The following WNT5A variants were observed in gnomAD, a reference collection of about 807,000 sequenced individuals.
WNT5A encodes Wnt family member 5A.
In WNT5A, 9 loss-of-function variants were observed where a neutral mutation model predicts 42.1. The observed-to-expected ratio is 0.21, with a 90% CI of 0.13 to 0.37. WNT5A has a LOEUF of 0.37. WNT5A is among the 10% of genes least tolerant of loss of function. WNT5A has a pLI of 1.00. For missense variants in WNT5A, 426 were observed against 534.0 expected, an observed-to-expected ratio of 0.80 and a Z score of 1.99; for synonymous variants, 210 against 210.0, an observed-to-expected ratio of 1.00 and a Z score of 0.00.
chr3:55,496,496 A>C, the WNT5A span, among the ~76,000 whole-genome samples: 4 of 152,230 alleles, frequency 2.6e-5, no homozygotes, highest in Admixed American at 2.6e-4. Context: ...ATAATAGCAA[A>C]GGATTAAATT....
upstream of WNT5A, among the ~76,000 whole-genome samples, chr3:55,492,136 G>A (rs1361118967): frequency 6.6e-6 from 1 of 151,978 alleles, no homozygotes; most frequent in Non-Finnish European, 1.5e-5. Context: ...AGCACCATTT[G>A]TTGAATAGGG....
At chr3:55,484,187 C>T (rs1051448167) in intron 1 of WNT5A, among the ~76,000 whole-genome samples, 7 of 152,198 alleles carry the variant, frequency 4.6e-5, no homozygotes, top group African/African-American at 1.4e-4. Context: ...AATCTCCACT[C>T]TTGGTGGAAA....
At chr3:55,482,301 A>G (rs920802526) in intron 1 of WNT5A, among the ~76,000 whole-genome samples, 2 of 152,076 alleles carry the variant, frequency 1.3e-5, no homozygotes, top group Non-Finnish European at 2.9e-5. Context: ...TGACTTCTCC[A>G]CCTGTAGGCG....
intron 1 of WNT5A, among the ~76,000 whole-genome samples, chr3:55,481,927 G>C (rs945261191): frequency 3.9e-5 from 6 of 152,224 alleles, no homozygotes; most frequent in African/African-American, 1.4e-4. Flanking sequence ...CAGCTGCCAG[G>C]GAGGGAGGAG....
rs886058741 is a variant in WNT5A at position 55,468,640 on chromosome 3, T to TTA, written c.*1450_*1451dup. The TTA allele has an allele frequency of 2.7e-5, 4 of 149,360 alleles. No individual in the cohort carries two copies. The highest frequency in any genetic ancestry group is 4.2e-4 in the South Asian group (2 of 4,786). The allele number at this position is 149,360 out of a possible 1,614,324, so 9.3% of individuals were successfully genotyped here. On this transcript the variant is annotated 3_prime_UTR_variant, in exon 5 of 5. Coordinates refer to ENST00000264634, the MANE Select transcript of WNT5A (RefSeq NM_003392.7). ...CAATGAGATATATTTATATTTATAT[T>TTA]TATATATATGTATATATATATATAT...
At chr3:55,494,443 G>A (rs2051693359), upstream of WNT5A, among the ~76,000 whole-genome samples, 1 of 152,184 alleles carries the variant, frequency 6.6e-6, no homozygotes, top group African/African-American at 2.4e-5. Flanking sequence ...AGAAATATAA[G>A]AGCTCATTAG....
Position 55,483,083 on chromosome 3 carries a change from C to G in WNT5A, c.7-2165G>C, listed in dbSNP as rs1289855634. Among the ~76,000 whole-genome samples, 1 of 152,168 alleles carries G rather than the reference C, an allele frequency of 6.6e-6. No individual in the cohort carries two copies. Among genetic ancestry groups the G allele is most frequent in the African/African-American group, 2.4e-5 (1 of 41,450 alleles). ...TGATAACAGATTCGGCGGATTACAG[C>G]GGATCTCTTTGTTAGAGCCGAAGCC... On this transcript the variant is annotated intron_variant, in intron 1 of 4. Coordinates refer to ENST00000264634, the MANE Select transcript of WNT5A (RefSeq NM_003392.7). The surrounding 1 kb of genome is among the most constrained non-coding windows in gnomAD (Gnocchi z 4.2).
At chr3:55,481,602 T>C (rs2051466511) in intron 1 of WNT5A, among the ~76,000 whole-genome samples, 1 of 152,160 alleles carries the variant, frequency 6.6e-6, no homozygotes, top group Admixed American at 6.5e-5. Flanking sequence ...GGAAAGCCAC[T>C]TCCAGATGGG....
At chr3:55,484,810 T>G (rs2051544368) in intron 1 of WNT5A, among the ~76,000 whole-genome samples, 1 of 152,010 alleles carries the variant, frequency 6.6e-6, no homozygotes, top group African/African-American at 2.4e-5. Context: ...AGCAGAGTCC[T>G]TGGACAGAGG....
chr3:55,470,016 A>G lies in WNT5A; in HGVS notation c.*76T>C. 1 of 1,582,042 alleles carries G rather than the reference A, an allele frequency of 6.3e-7. No individual in the cohort carries two copies. The highest frequency in any genetic ancestry group is 2.2e-5 in the East Asian group (1 of 44,614). ...GGAAAAATAAAAAATATTTCTAAAA[A>G]CCAAAAACCAGAATCACTGTACTTT... On this transcript the variant is annotated 3_prime_UTR_variant, in exon 5 of 5. Transcript: ENST00000264634.
At chr3:55,471,952 T>C (rs538367481) in intron 4 of WNT5A, among the ~76,000 whole-genome samples, 3 of 152,092 alleles carry the variant, frequency 2.0e-5, no homozygotes, top group African/African-American at 7.2e-5. Context: ...GCATAAAGAG[T>C]TTCAGGCACT....
In WNT5A at chr3:55,479,560, G is replaced by A; in HGVS notation, c.145C>T (p.Leu49=). The change falls in exon 3 of 5, where the codon CTA becomes TTA. Residue 49 remains leucine, a synonymous_variant. Coordinates refer to ENST00000264634, the MANE Select transcript of WNT5A (RefSeq NM_003392.7). The part of the protein sequence containing the change: ...VVIEANSWWS[L]GMNNPVQMSE... The stretch of plus-strand genomic sequence containing the variant: ...ATCTGAACAGGGTTATTCATACCTA[G>A]CGACCTGCAAGGGGGGGAGATGTGC... 3 of 1,586,330 alleles carry A rather than the reference G, an allele frequency of 1.9e-6. No individual in the cohort carries two copies. Among genetic ancestry groups the A allele is most frequent in the Admixed American group, 1.7e-5 (1 of 57,740 alleles).
Position 55,473,187 on chromosome 3 carries a change from G to A in WNT5A, c.684+1150C>T, listed in dbSNP as rs367628430. Among the ~76,000 whole-genome samples, 7 of 152,320 alleles carry A rather than the reference G, an allele frequency of 4.6e-5. No individual in the cohort carries two copies. In the South Asian group the frequency reaches 1.2e-3, roughly 27 times the overall value. ...TTTAATTTTCTTCCATGGTCATGAA[G>A]TGGTTTTCTGGGCCTCAGTTTCCTA... On this transcript the variant is annotated intron_variant, in intron 4 of 4. Coordinates refer to ENST00000264634, the MANE Select transcript of WNT5A (RefSeq NM_003392.7).
chr3:55,478,615 G>A (rs2106941134), intron 3 of WNT5A, among the ~76,000 whole-genome samples: 1 of 152,188 alleles, frequency 6.6e-6, no homozygotes, highest in South Asian at 2.1e-4. Flanking sequence ...CTCTTTGAAT[G>A]GGGAAGTAAG....
the WNT5A span, among the ~76,000 whole-genome samples, chr3:55,504,769 TAAACCTTTC>T: frequency 6.6e-6 from 1 of 152,218 alleles, no homozygotes; most frequent in African/African-American, 2.4e-5. Flanking sequence ...CGGCCTAGGC[TAAACCTTTC>T]AAATAAGATA....
At position 55,470,042 on chromosome 3, in the gene WNT5A, C is replaced by T. The variant is rs756401682; in HGVS notation, c.*50G>A. ...CCAAAAACCAGAATCACTGTACTTT[C>T]TATAAATAAGCGGGTCCTGGGAGCG... is the stretch of plus-strand genomic sequence containing the variant. On this transcript the variant is annotated 3_prime_UTR_variant, in exon 5 of 5. Transcript: ENST00000264634. 3.1e-6 allele frequency: 5 copies of T among 1,608,916 alleles called. No individual in the cohort carries two copies. The highest frequency in any genetic ancestry group is 3.3e-5 in the Admixed American group (2 of 59,994).
At chr3:55,497,818 G>C in the WNT5A span, among the ~76,000 whole-genome samples, 3 of 152,136 alleles carry the variant, frequency 2.0e-5, no homozygotes, top group Admixed American at 6.6e-5. Context: ...GAGAGATGGA[G>C]AGAGATAGAA....
upstream of WNT5A, among the ~76,000 whole-genome samples, chr3:55,492,899 T>C (rs552012562): frequency 6.6e-6 from 1 of 152,218 alleles, no homozygotes; most frequent in Non-Finnish European, 1.5e-5. Context: ...TTGCGAATCC[T>C]GACACCTTCT....
At chr3:55,480,643 T>C in intron 2 of WNT5A, 142 bp downstream of exon 2, 1 of 878,402 alleles carries the variant, frequency 1.1e-6, no homozygotes, top group Non-Finnish European at 1.6e-6. Flanking sequence ...GATTTAAAAC[T>C]ATATATAAGT....
Sources: gnomAD v4.1 joint callset for allele counts (sites outside exome capture counted in the v4.1 genomes callset) on GRCh38, gnomAD v4.1.1 for gene constraint, Gnocchi (gnomAD v3.1) non-coding constraint, MANE v1.5 for transcripts, NCBI Gene and HGNC (gene_info 2026-07-23, HGNC 2026-07-21) for gene names.